BRD8: variants seen among roughly 807,000 people sequenced by gnomAD.
The protein encoded by BRD8 is bromodomain containing 8, also known as bromodomain-containing protein 8.
In BRD8, 67 loss-of-function variants were observed where a neutral mutation model predicts 143.1. The ratio of observed to expected loss-of-function variants is 0.47; its 90% CI spans 0.38 to 0.57. The LOEUF is 0.57. BRD8 is among the 20% of genes least tolerant of loss of function. The pLI, the probability that BRD8 is intolerant of heterozygous loss-of-function variation, is 0.00. For missense variants in BRD8, 1,103 were observed against 1,503.0 expected, an observed-to-expected ratio of 0.73 and a Z score of 4.40; for synonymous variants, 505 against 517.1, an observed-to-expected ratio of 0.98 and a Z score of 0.32.
chr5:138,157,089 G>A (rs998613566), intron 20 of BRD8: 77 of 1,556,522 alleles, frequency 4.9e-5, no homozygotes, highest in South Asian at 1.6e-4. Context: ...AGCTCATGTC[G>A]TGTGGCCCAG....
Position 138,167,991 on chromosome 5 carries a change from G to A in BRD8, c.730C>T (p.His244Tyr). The A allele has an allele frequency of 6.2e-7, 1 of 1,613,154 alleles. No individual in the cohort carries two copies. Among genetic ancestry groups the A allele is most frequent in the Non-Finnish European group, 8.5e-7 (1 of 1,179,122 alleles). ...LEVGGVLPMI[H>Y]GGEIQQTPNT... Reference sequence around the variant, plus strand: ...GGTGTTTGCTGTATCTCCCCACCATGTATCATGGGAAGGACCCCGCCTACC... The same window carrying A: ...GGTGTTTGCTGTATCTCCCCACCATATATCATGGGAAGGACCCCGCCTACC... The change falls in exon 9 of 27, where the codon CAT becomes TAT. Residue 244 changes from histidine to tyrosine, a missense_variant. By Grantham distance (83) the His-to-Tyr change is moderately conservative. This residue lies in a region of BRD8 where 334 missense variants were observed against 372.5 expected (regional missense o/e 0.90). Coordinates refer to ENST00000254900, the MANE Select transcript of BRD8 (RefSeq NM_139199.2).
chr5:138,178,590 A>G lies in BRD8; in HGVS notation c.19+6T>C, dbSNP rs1754558493. On this transcript the variant is annotated splice_donor_region_variant and intron_variant, in intron 1 of 26. Transcript: ENST00000254900. Reference sequence around the variant, plus strand: ...CCTTTCACGCAAAACCTGCTCAGATACTCACTGCCCGTTCCCGTCGCCATC... The same window carrying G: ...CCTTTCACGCAAAACCTGCTCAGATGCTCACTGCCCGTTCCCGTCGCCATC... 6.2e-7 allele frequency: 1 copy of G among 1,613,246 alleles called. No individual in the cohort carries two copies. Among genetic ancestry groups the G allele is most frequent in the African/African-American group, 1.3e-5 (1 of 74,796 alleles).
chr5:138,167,296 G>C (rs929705503), intron 9 of BRD8, among the ~76,000 whole-genome samples: 1 of 151,414 alleles, frequency 6.6e-6, no homozygotes, highest in Admixed American at 6.6e-5. Context: ...AACAACAAAG[G>C]GTGGTAATTT....
intron 20 of BRD8, among the ~76,000 whole-genome samples, chr5:138,153,810 G>A (rs1420608033): frequency 4.6e-5 from 7 of 151,638 alleles, no homozygotes; most frequent in African/African-American, 1.7e-4. Context: ...CTGAGTAGCT[G>A]AGATTACAGG....
In BRD8 at chr5:138,161,808, C is replaced by T; in HGVS notation, c.2237G>A (p.Ser746Asn). 6.2e-7 allele frequency: 1 copy of T among 1,614,092 alleles called. No homozygotes were observed. Among genetic ancestry groups the T allele is most frequent in the Non-Finnish European group, 8.5e-7 (1 of 1,179,984 alleles). Residue 746 changes from serine to asparagine, a missense_variant, in exon 17 of 27, where the codon AGC (serine) becomes AAC (asparagine). Physicochemically the swap from Ser to Asn is conservative, Grantham distance 46 (BLOSUM62 1). Coordinates refer to ENST00000254900, the MANE Select transcript of BRD8 (RefSeq NM_139199.2). ...GACCATGGCTCACCTCTGCACAATGCTGTGGTAGCCAGGTGCTATGTCATC... is the reference window on the plus strand; with the variant it reads ...GACCATGGCTCACCTCTGCACAATGTTGTGGTAGCCAGGTGCTATGTCATC... ...VTDDIAPGYH[S>N]IVQRPMDLST...
Position 138,145,772 on chromosome 5 carries a change from C to T in BRD8, c.3368+17G>A. ...TTCAGCTCTGAACATAATCCTATTACCACTTTGGAGACCTACCTGTGACTG... is the reference window on the plus strand; with the variant it reads ...TTCAGCTCTGAACATAATCCTATTATCACTTTGGAGACCTACCTGTGACTG... On this transcript the variant is annotated intron_variant, in intron 24 of 26. Coordinates refer to ENST00000254900, the MANE Select transcript of BRD8 (RefSeq NM_139199.2). 2 of 1,604,884 alleles carry T rather than the reference C, an allele frequency of 1.2e-6. No individual in the cohort carries two copies. Among genetic ancestry groups the T allele is most frequent in the Middle Eastern group, 1.7e-4 (1 of 6,040 alleles).
chr5:138,156,902 T>G, intron 20 of BRD8: 1 of 1,127,516 alleles, frequency 8.9e-7, no homozygotes, highest in South Asian at 3.3e-5. Flanking sequence ...TTTTTCAGTT[T>G]ATTGTATACA....
At chr5:138,155,448 T>C (rs1423046771) in intron 20 of BRD8, among the ~76,000 whole-genome samples, 1 of 146,692 alleles carries the variant, frequency 6.8e-6, no homozygotes, top group Non-Finnish European at 1.5e-5. Flanking sequence ...AAACTCCGAA[T>C]TTAAAAAAAA....
intron 11 of BRD8, among the ~76,000 whole-genome samples, chr5:138,165,482 T>C (rs1040594883): frequency 1.3e-5 from 2 of 152,174 alleles, no homozygotes; most frequent in Non-Finnish European, 2.9e-5. Flanking sequence ...TCTCAGCACT[T>C]TGGGAGGCCG....
rs749848868 is a variant in BRD8, at chr5:138,162,152, A to G, written c.2088-6T>C. 6.3e-7 allele frequency: 1 copy of G among 1,583,806 alleles called. No homozygotes were observed. Among genetic ancestry groups the G allele is most frequent in the Non-Finnish European group, 8.6e-7 (1 of 1,166,726 alleles). ...GATCCTCACTACAGACAGAGCTGAA[A>G]CAGAGATACAGCAATTCCACTAGGC... On this transcript the variant is annotated splice_region_variant and splice_polypyrimidine_tract_variant and intron_variant, in intron 15 of 26. Transcript: ENST00000254900.
At chr5:138,163,809 T>C (rs1312605392) in intron 14 of BRD8, among the ~76,000 whole-genome samples, 1 of 152,232 alleles carries the variant, frequency 6.6e-6, no homozygotes, top group Non-Finnish European at 1.5e-5. Context: ...GATTCCTGTA[T>C]GTTCTCCTTG....
At chr5:138,156,041 A>AT (rs1011162221) in intron 20 of BRD8, among the ~76,000 whole-genome samples, 1,720 of 144,060 alleles carry the variant, frequency 0.012, 15 homozygotes, top group Non-Finnish European at 0.015. Flanking sequence ...TGCTGGGCTA[A>AT]TTTTTTTTTT....
rs1310501840 is a variant in BRD8, at chr5:138,146,359, AT to A, written c.3279-482del. 3.2e-3 allele frequency among the ~76,000 whole-genome samples: 352 copies of A among 109,260 alleles called. 1 individual carries two copies. Among genetic ancestry groups the A allele is most frequent in the Middle Eastern group, 0.01 (1 of 100 alleles). The allele number at this position is 109,260 out of a possible 152,430, so 71.7% of individuals were successfully genotyped here. On this transcript the variant is annotated intron_variant, in intron 23 of 26. Coordinates refer to ENST00000254900, the MANE Select transcript of BRD8 (RefSeq NM_139199.2). Reference sequence around the variant, plus strand: ...AGGCATGAACCACCATGCCCAGCCAATTTTTTTTTTTTTTGAGACAGGGTCT... The same window carrying A: ...AGGCATGAACCACCATGCCCAGCCAATTTTTTTTTTTTTGAGACAGGGTCT...
rs1185710080 is a variant in BRD8 at position 138,170,338 on chromosome 5, A to G, written c.505+7T>C. On this transcript the variant is annotated splice_region_variant and intron_variant, in intron 7 of 26. Coordinates refer to ENST00000254900, the MANE Select transcript of BRD8 (RefSeq NM_139199.2). ...ATTGCTAAAGAGGCATACTAGGTTCAGCTTACCCTGGTATGCAGCATCTGT... is the reference window on the plus strand; with the variant it reads ...ATTGCTAAAGAGGCATACTAGGTTCGGCTTACCCTGGTATGCAGCATCTGT... 6.3e-7 allele frequency: 1 copy of G among 1,595,702 alleles called. No homozygotes were observed. The highest frequency in any genetic ancestry group is 1.7e-5 in the Admixed American group (1 of 60,000).
rs1280590178 is a variant in BRD8, at chr5:138,145,874, C to T, written c.3283G>A (p.Asp1095Asn). The change falls in exon 24 of 27, where the codon GAT becomes AAT. Residue 1095 changes from aspartate (D) to asparagine (N), a missense_variant. Transcript: ENST00000254900. ...TGAACAGGGTCATCCTGGCTTAGATCAGTCCTATGAGGATAAAACATGAAG... is the reference window on the plus strand; with the variant it reads ...TGAACAGGGTCATCCTGGCTTAGATTAGTCCTATGAGGATAAAACATGAAG... The part of the protein sequence containing the change: ...FSHATSSKLT[D>N]LSQDDPVQDH... 2 of 1,613,224 alleles carry T rather than the reference C, an allele frequency of 1.2e-6. No homozygotes were observed. Among genetic ancestry groups the T allele is most frequent in the Admixed American group, 1.7e-5 (1 of 60,010 alleles).
chr5:138,150,704 C>T, intron 22 of BRD8, 41 bp downstream of exon 22: 1 of 1,563,942 alleles, frequency 6.4e-7, no homozygotes, highest in South Asian at 1.2e-5. Context: ...CTTCCCTAGG[C>T]AGAAGACCAA....
rs1240318697 is a variant in BRD8, at chr5:138,166,690, A to G, written c.825T>C (p.Pro275=). 2 of 1,613,908 alleles carry G rather than the reference A, an allele frequency of 1.2e-6. No homozygotes were observed. Among genetic ancestry groups the G allele is most frequent in the Non-Finnish European group, 1.7e-6 (2 of 1,179,820 alleles). ...AAGCAAGAGGTGTGGTGAACTGTGT[A>G]GGACCAGCTTCTAAAAGCCGGGAAA... ...PTLSRLLEAG[P]TQFTTPLASF... is the part of the protein sequence containing the mutation. Residue 275 remains proline (P), a synonymous_variant, in exon 10 of 27, where the codon CCT becomes CCC. Transcript: ENST00000254900.
intron 15 of BRD8, 25 bp from the exon 16 acceptor site, chr5:138,162,171 A>G (rs753220780): frequency 6.6e-7 from 1 of 1,514,808 alleles, no homozygotes; most frequent in Admixed American, 2.0e-5. Flanking sequence ...CAGCAATTCC[A>G]CTAGGCACAA....
Position 138,163,351 on chromosome 5 carries a change from T to C in BRD8, c.1873-7A>G, listed in dbSNP as rs1247980539. The stretch of plus-strand genomic sequence containing the variant: ...CATCCTCACCTGGGGCATCCTTAGA[T>C]ACAGTATGCTCCAGTTAACAAATGC... On this transcript the variant is annotated splice_region_variant and splice_polypyrimidine_tract_variant and intron_variant, in intron 14 of 26. Coordinates refer to ENST00000254900, the MANE Select transcript of BRD8 (RefSeq NM_139199.2). 9 of 1,613,336 alleles carry C rather than the reference T, an allele frequency of 5.6e-6. No homozygotes were observed. The highest frequency in any genetic ancestry group is 7.6e-6 in the Non-Finnish European group (9 of 1,179,398).
Sources: allele counts gnomAD v4.1 joint callset (sites outside exome capture counted in the v4.1 genomes callset), GRCh38; gene constraint gnomAD v4.1.1; regional missense constraint gnomAD v4.1.1; transcripts MANE v1.5; gene names NCBI Gene and HGNC (gene_info 2026-07-23, HGNC 2026-07-21).